The following NRIP1 variants were observed in gnomAD, a reference collection of about 807,000 sequenced individuals.
The protein encoded by NRIP1 is nuclear receptor interacting protein 1.
In NRIP1, 28 loss-of-function variants were observed where a neutral mutation model predicts 75.0. The observed-to-expected ratio is 0.37, with a 90% CI of 0.28 to 0.51. NRIP1 has a LOEUF of 0.51. Among genes scored for constraint, NRIP1 ranks in the 20% least tolerant of loss-of-function variants. The pLI, the probability that NRIP1 is intolerant of heterozygous loss-of-function variation, is 0.92. For missense variants in NRIP1, 1,435 were observed against 1,343.7 expected (o/e 1.07, Z -1.06); for synonymous variants, 526 against 487.6 (o/e 1.08, Z -1.04).
intron 1 of NRIP1, among the ~76,000 whole-genome samples, chr21:15,059,138 C>T (rs890323622): frequency 4.6e-5 from 7 of 152,184 alleles, no homozygotes; most frequent in African/African-American, 1.7e-4. Flanking sequence ...ATCAGGTCAA[C>T]CAGAGTTGTC....
intron 1 of NRIP1, among the ~76,000 whole-genome samples, chr21:15,046,680 G>A (rs1010113883): frequency 6.6e-6 from 1 of 152,170 alleles, no homozygotes; most frequent in African/African-American, 2.4e-5. Flanking sequence ...GTCCTAGATG[G>A]CATATTCATC....
chr21:15,051,542 G>A (rs1468904436), intron 1 of NRIP1: 3 of 152,458 alleles, frequency 2.0e-5, no homozygotes, highest in Middle Eastern at 3.4e-3. Flanking sequence ...GTCCATCTAG[G>A]AAATATTTTT....
At position 14,966,095 on chromosome 21, in the gene NRIP1, C is replaced by G. The variant is rs1006808034; in HGVS notation, c.2098G>C (p.Gly700Arg). 6.2e-7 allele frequency: 1 copy of G among 1,612,256 alleles called. No homozygotes were observed. Among genetic ancestry groups the G allele is most frequent in the Non-Finnish European group, 8.5e-7 (1 of 1,179,952 alleles). The change falls in exon 4 of 4, where the codon GGT (glycine) becomes CGT (arginine). Residue 700 changes from glycine (G) to arginine (R), a missense_variant. Physicochemically the swap from Gly to Arg is moderately radical, Grantham distance 125 (BLOSUM62 -2). Transcript: ENST00000318948. ...TCAAGCAGATTTTCTATTTCAGAAC[C>G]AGAAAGCCCTGGTTCAGGACCTGTT... ...QPTGPEPGLSGSEIENLLERR... is the reference protein window; with the variant it reads ...QPTGPEPGLSRSEIENLLERR...
At chr21:15,041,057 C>A (rs575834214) in intron 2 of NRIP1, among the ~76,000 whole-genome samples, 2 of 152,138 alleles carry the variant, frequency 1.3e-5, no homozygotes, top group South Asian at 2.1e-4. Flanking sequence ...CAAAAAAGTT[C>A]ACAGCAGCCT....
At chr21:15,008,451 TA>T (rs1238236119) in intron 3 of NRIP1, among the ~76,000 whole-genome samples, 6 of 151,480 alleles carry the variant, frequency 4.0e-5, no homozygotes, top group Non-Finnish European at 1.5e-5. Context: ...AAAGCCGGGG[TA>T]GGGGGAAAAT....
At chr21:15,024,571 T>TGTGC (rs1181081973) in intron 2 of NRIP1, among the ~76,000 whole-genome samples, 1 of 143,796 alleles carries the variant, frequency 7.0e-6, no homozygotes, top group African/African-American at 2.7e-5. Flanking sequence ...ATCCAGAGTG[T>TGTGC]GTGTGTGTGT....
chr21:14,980,519 T>C (rs956756174), intron 3 of NRIP1, among the ~76,000 whole-genome samples: 80 of 151,622 alleles, frequency 5.3e-4, no homozygotes, highest in African/African-American at 1.8e-3. Context: ...CATACATATA[T>C]GCAATTATCT....
In NRIP1 at chr21:14,962,581, C is replaced by T. The variant is rs1047401037; in HGVS notation, c.*2135G>A. 1.3e-5 allele frequency: 2 copies of T among 152,300 alleles called. No homozygotes were observed. The highest frequency in any genetic ancestry group is 1.9e-4 in the East Asian group (1 of 5,186). 9.4% of individuals were successfully genotyped at this position (152,300 alleles called of 1,614,324 possible). On this transcript the variant is annotated 3_prime_UTR_variant, in exon 4 of 4. Transcript: ENST00000318948. ...CTCTAAGGCTCCAAACCTTCCACAA[C>T]GATCAAGAAAAATGACTTGTTTAAA...
intron 2 of NRIP1, among the ~76,000 whole-genome samples, chr21:15,017,009 TGAAGGAAGGAAG>T (rs202130112): frequency 6.7e-6 from 1 of 149,606 alleles, no homozygotes; most frequent in African/African-American, 2.5e-5. Context: ...AAGAAAAGAA[TGAAGGAAGGAAG>T]GAAGGAAGGA....
chr21:14,969,482 A>G lies in NRIP1; in HGVS notation c.-334-956T>C, dbSNP rs191396998. On this transcript the variant is annotated intron_variant, in intron 3 of 3. Transcript: ENST00000318948. Reference sequence around the variant, plus strand: ...CCAAAAAATTTCCTATCACTAACACATACACAACAGAAGAAGCAAGAACTC... The same window carrying G: ...CCAAAAAATTTCCTATCACTAACACGTACACAACAGAAGAAGCAAGAACTC... 2.7e-3 allele frequency among the ~76,000 whole-genome samples: 410 copies of G among 152,356 alleles called. 1 individual carries two copies. The highest frequency in any genetic ancestry group is 4.7e-3 in the Non-Finnish European group (320 of 68,028).
intron 3 of NRIP1, among the ~76,000 whole-genome samples, chr21:15,013,107 TA>T (rs890128821): frequency 6.6e-6 from 1 of 152,146 alleles, no homozygotes; most frequent in Non-Finnish European, 1.5e-5. Context: ...TATATCTGAA[TA>T]AAAAAATTTT....
intron 3 of NRIP1, among the ~76,000 whole-genome samples, chr21:14,984,667 T>C (rs1364397205): frequency 6.6e-6 from 1 of 152,180 alleles, no homozygotes; most frequent in African/African-American, 2.4e-5. Context: ...AATGCTATCA[T>C]CAAACAGCAA....
chr21:15,012,616 C>A (rs1411138867), intron 3 of NRIP1, among the ~76,000 whole-genome samples: 2 of 151,940 alleles, frequency 1.3e-5, no homozygotes, highest in Non-Finnish European at 2.9e-5. Context: ...CCACACCTGG[C>A]TAATATTTGT....
rs77360822 is a variant in NRIP1 at position 14,965,443 on chromosome 21, G to A, written c.2750C>T (p.Ser917Leu). 4,768 of 1,613,894 alleles carry A rather than the reference G, an allele frequency of 3.0e-3. 135 individuals are homozygous for A. The African/African-American group carries it at 0.057, about 19-fold the overall frequency. Reference protein sequence around the residue: ...LEFKYPAGHGSASESEHRSWA... With the variant: ...LEFKYPAGHGLASESEHRSWA... ...ACTCCTGTGTTCACTTTCGCTGGCT[G>A]AGCCATGACCAGCAGGATATTTAAA... The change falls in exon 4 of 4, where the codon TCA (serine) becomes TTA (leucine). Residue 917 changes from serine to leucine, a missense_variant. Physicochemically the swap from Ser to Leu is moderately radical, Grantham distance 145. Transcript: ENST00000318948.
chr21:15,009,741 A>C (rs1331997938), intron 3 of NRIP1, among the ~76,000 whole-genome samples: 1 of 152,234 alleles, frequency 6.6e-6, no homozygotes, highest in Non-Finnish European at 1.5e-5. Context: ...TTTATAGAAC[A>C]TGACAAAATA....
At chr21:15,043,887 C>T (rs1417967331) in intron 1 of NRIP1, among the ~76,000 whole-genome samples, 2 of 152,114 alleles carry the variant, frequency 1.3e-5, no homozygotes, top group African/African-American at 2.4e-5. Flanking sequence ...GGCGTGATCT[C>T]GGCTCACTGC....
intron 1 of NRIP1, among the ~76,000 whole-genome samples, chr21:15,061,349 G>A (rs775537638): frequency 1.3e-5 from 2 of 152,028 alleles, no homozygotes; most frequent in Non-Finnish European, 2.9e-5. Flanking sequence ...GGGGCAGAAG[G>A]GAAAAGTACA....
chr21:15,055,424 ATTC>A, intron 1 of NRIP1, among the ~76,000 whole-genome samples: 1 of 152,246 alleles, frequency 6.6e-6, no homozygotes. Flanking sequence ...TAACTGTACT[ATTC>A]TTTTTTTAAA....
intron 3 of NRIP1, among the ~76,000 whole-genome samples, chr21:14,995,661 G>T (rs574108298): frequency 6.6e-6 from 1 of 152,220 alleles, no homozygotes; most frequent in South Asian, 2.1e-4. Context: ...TATAGCCTAG[G>T]AAATTCTGTC....
Sources: allele counts gnomAD v4.1 joint callset (sites outside exome capture counted in the v4.1 genomes callset), GRCh38; gene constraint gnomAD v4.1.1; transcripts MANE v1.5; gene names NCBI Gene and HGNC (gene_info 2026-07-23, HGNC 2026-07-21).